Variants in SLIT2 observed in about 807,000 individuals in gnomAD.
SLIT2 encodes slit guidance ligand 2, also known as slit homolog 2 protein.
A neutral mutation model predicts 185.7 loss-of-function variants in SLIT2; 41 were observed. That is an observed-to-expected ratio of 0.22 (90% CI 0.17 to 0.29). The LOEUF is 0.29. Among genes scored for constraint, SLIT2 ranks in the 10% least tolerant of loss-of-function variants. The pLI, the probability that SLIT2 is intolerant of heterozygous loss-of-function variation, is 1.00. For synonymous variants in SLIT2, 693 were observed against 680.2 expected, an observed-to-expected ratio of 1.02 and a Z score of -0.29; for missense variants, 1,571 against 1,909.0, an observed-to-expected ratio of 0.82 and a Z score of 3.30.
chr4:20,463,454 T>TAG lies in SLIT2; in HGVS notation c.396-4297_396-4296insGA, dbSNP rs1713954716. Among the ~76,000 whole-genome samples the TAG allele has an allele frequency of 1.9e-4, 6 of 31,432 alleles. No individual in the cohort carries two copies. In the South Asian group the frequency reaches 8.6e-3, roughly 45 times the overall value. The allele number at this position is 31,432 out of a possible 152,430, so 20.6% of individuals were successfully genotyped here. A position where few individuals can be genotyped will look rare whatever the true frequency, so the allele number is the denominator to read the frequency against. On this transcript the variant is annotated intron_variant, in intron 4 of 36. Coordinates refer to ENST00000504154, the MANE Select transcript of SLIT2 (RefSeq NM_004787.4). ...TTCATTGACCTCAAACTGTGATATA[T>TAG]ATATATATATATATATATATATATA...
chr4:20,604,086 G>C (rs1728607845), intron 33 of SLIT2, among the ~76,000 whole-genome samples: 1 of 152,080 alleles, frequency 6.6e-6, no homozygotes, highest in East Asian at 1.9e-4. Flanking sequence ...ATCGTGCTTG[G>C]CACAGAGTCG....
intron 6 of SLIT2, among the ~76,000 whole-genome samples, chr4:20,482,058 A>G (rs1716756417): frequency 1.3e-5 from 2 of 152,036 alleles, no homozygotes; most frequent in South Asian, 2.1e-4. Flanking sequence ...CATTTTTAAT[A>G]TACGAAACTC....
At chr4:20,304,264 T>C (rs548612319) in intron 4 of SLIT2, among the ~76,000 whole-genome samples, 1 of 152,224 alleles carries the variant, frequency 6.6e-6, no homozygotes, top group African/African-American at 2.4e-5. Flanking sequence ...TAGATAACTT[T>C]TTTAAAAGAA....
chr4:20,372,382 A>G (rs1284809903), intron 4 of SLIT2, among the ~76,000 whole-genome samples: 5 of 151,974 alleles, frequency 3.3e-5, no homozygotes, highest in Non-Finnish European at 7.4e-5. Context: ...TAAATTTTAC[A>G]AAAAACTAAA....
chr4:20,450,210 T>C (rs1712312078), intron 4 of SLIT2, among the ~76,000 whole-genome samples: 1 of 152,202 alleles, frequency 6.6e-6, no homozygotes, highest in East Asian at 1.9e-4. Flanking sequence ...CACATTTCTG[T>C]CTCTCCATAG....
intron 9 of SLIT2, among the ~76,000 whole-genome samples, chr4:20,499,367 T>TA (rs1718502856): frequency 1.3e-5 from 2 of 152,218 alleles, no homozygotes; most frequent in African/African-American, 2.4e-5. Flanking sequence ...ACCTCCCATA[T>TA]ACGCTTAAAC....
chr4:20,448,927 C>T (rs1010695743), intron 4 of SLIT2, among the ~76,000 whole-genome samples: 14 of 152,264 alleles, frequency 9.2e-5, no homozygotes, highest in African/African-American at 2.6e-4. Flanking sequence ...TGGGCCACAG[C>T]GCCTGGCCCC....
chr4:20,388,168 G>T (rs1577554886), intron 4 of SLIT2, among the ~76,000 whole-genome samples: 1 of 151,990 alleles, frequency 6.6e-6, no homozygotes, highest in African/African-American at 2.4e-5. Flanking sequence ...CTTAAATATG[G>T]TATCAAAAGC....
In SLIT2 at chr4:20,488,858, G is replaced by C. The variant is rs1341112049; in HGVS notation, c.651G>C (p.Leu217=). 1.9e-6 allele frequency: 3 copies of C among 1,610,434 alleles called. No individual in the cohort carries two copies. Among genetic ancestry groups the C allele is most frequent in the Non-Finnish European group, 2.5e-6 (3 of 1,177,396 alleles). The change falls in exon 8 of 37, where the codon CTG becomes CTC. Residue 217 remains leucine, a synonymous_variant. Transcript: ENST00000504154. ...HSNNLYCDCH[L]AWLSDWLRQR... is the part of the protein sequence containing the mutation. ...ACAACCTGTATTGTGACTGCCACCTGGCCTGGCTCTCCGACTGGCTTCGCC... is the reference window on the plus strand; with the variant it reads ...ACAACCTGTATTGTGACTGCCACCTCGCCTGGCTCTCCGACTGGCTTCGCC...
chr4:20,280,826 A>C (rs992421856), intron 4 of SLIT2, among the ~76,000 whole-genome samples: 1 of 148,074 alleles, frequency 6.8e-6, no homozygotes, highest in African/African-American at 2.6e-5. Flanking sequence ...GCTTATATTA[A>C]AAAAATGTTT....
intron 4 of SLIT2, among the ~76,000 whole-genome samples, chr4:20,278,046 C>A (rs16867613): frequency 0.037 from 5,633 of 151,506 alleles, 264 homozygotes; most frequent in East Asian, 0.1. Context: ...TTTTTTATTC[C>A]CATTTTATCT....
intron 3 of SLIT2, among the ~76,000 whole-genome samples, chr4:20,264,827 T>A (rs570753841): frequency 6.6e-6 from 1 of 151,936 alleles, no homozygotes; most frequent in Non-Finnish European, 1.5e-5. Flanking sequence ...ATTACACACC[T>A]TTCTGAAACT....
At chr4:20,602,955 A>C (rs962232403) in intron 33 of SLIT2, among the ~76,000 whole-genome samples, 2 of 152,162 alleles carry the variant, frequency 1.3e-5, no homozygotes, top group Non-Finnish European at 2.9e-5. Flanking sequence ...CTAATAAGGG[A>C]ATGGATTTGG....
chr4:20,604,780 G>A (rs1728660136), intron 33 of SLIT2, among the ~76,000 whole-genome samples: 1 of 151,846 alleles, frequency 6.6e-6, no homozygotes, highest in South Asian at 2.1e-4. Context: ...GAGATGACCA[G>A]TTGAGTTTGG....
chr4:20,484,815 G>A lies in SLIT2; in HGVS notation c.540-1385G>A, dbSNP rs989227180. ...AGCCCTCCCTTACAGCAGGTCAGTA[G>A]TCCATTGGAGCTGGAGATTATCTGC... On this transcript the variant is annotated intron_variant, in intron 6 of 36. Coordinates refer to ENST00000504154, the MANE Select transcript of SLIT2 (RefSeq NM_004787.4). This position sits in a 1 kb window ranked among gnomAD's most constrained non-coding sequence, Gnocchi z 4.3. 2.0e-5 allele frequency among the ~76,000 whole-genome samples: 3 copies of A among 152,140 alleles called. No homozygotes were observed. The highest frequency in any genetic ancestry group is 7.2e-5 in the African/African-American group (3 of 41,442).
At chr4:20,556,167 C>G (rs1724231987) in intron 26 of SLIT2, among the ~76,000 whole-genome samples, 3 of 151,832 alleles carry the variant, frequency 2.0e-5, no homozygotes, top group African/African-American at 7.3e-5. Flanking sequence ...CCTTTACGAT[C>G]CTAGATCTTT....
At position 20,403,501 on chromosome 4, in the gene SLIT2, T is replaced by G. The variant is rs140750791; in HGVS notation, c.396-64251T>G. Reference sequence around the variant, plus strand: ...CTCCCTGTAGAATAACAGCTTCTGCTTAGTTCATCAGGAGTACAATTTGTT... The same window carrying G: ...CTCCCTGTAGAATAACAGCTTCTGCGTAGTTCATCAGGAGTACAATTTGTT... On this transcript the variant is annotated intron_variant, in intron 4 of 36. Transcript: ENST00000504154. 2.6e-3 allele frequency among the ~76,000 whole-genome samples: 395 copies of G among 152,090 alleles called. 2 individuals carry two copies. The highest frequency in any genetic ancestry group is 9.1e-3 in the African/African-American group (379 of 41,518).
intron 5 of SLIT2, among the ~76,000 whole-genome samples, chr4:20,472,444 A>C (rs1244921100): frequency 1.5e-5 from 1 of 66,562 alleles, no homozygotes; most frequent in Non-Finnish European, 2.8e-5. Context: ...ATAGATATAT[A>C]TCTATATAGA....
At chr4:20,613,912 C>T (rs906052210) in intron 34 of SLIT2, among the ~76,000 whole-genome samples, 2 of 152,072 alleles carry the variant, frequency 1.3e-5, no homozygotes, top group Non-Finnish European at 2.9e-5. Flanking sequence ...GCTCTTGTTG[C>T]CCAGGCTGGA....
Sources: gnomAD v4.1 joint callset for allele counts (sites outside exome capture counted in the v4.1 genomes callset) on GRCh38, gnomAD v4.1.1 for gene constraint, Gnocchi (gnomAD v3.1) non-coding constraint, MANE v1.5 for transcripts, NCBI Gene and HGNC (gene_info 2026-07-23, HGNC 2026-07-21) for gene names.